MAD1L1: variants seen among roughly 807,000 people sequenced by gnomAD.
MAD1L1 encodes the protein mitotic spindle assembly checkpoint protein MAD1.
A neutral mutation model predicts 96.9 loss-of-function variants in MAD1L1; 95 were observed. The observed-to-expected ratio is 0.98, with a 90% CI of 0.83 to 1.16. The LOEUF (loss-of-function observed/expected upper bound fraction) is 1.16. Among genes scored for constraint, MAD1L1 ranks in the 50% most tolerant of loss-of-function variants. The probability of loss-of-function intolerance (pLI) is 0.00; values close to 1 mark genes in which losing one functional copy is unlikely to be tolerated. For synonymous variants in MAD1L1, 473 were observed against 396.6 expected (o/e 1.19, Z -2.29); for missense variants, 1,007 against 954.4 (o/e 1.06, Z -0.73).
At chr7:1,907,469 A>C (rs1265347141) in intron 17 of MAD1L1, among the ~76,000 whole-genome samples, 1 of 152,286 alleles carries the variant, frequency 6.6e-6, no homozygotes, top group Non-Finnish European at 1.5e-5. Context: ...AAAGGGACTA[A>C]TATTTCACCA....
chr7:2,207,332 G>C (rs1318429458), intron 10 of MAD1L1, among the ~76,000 whole-genome samples: 1 of 152,150 alleles, frequency 6.6e-6, no homozygotes, highest in Admixed American at 6.6e-5. Context: ...GCTGAGTGCT[G>C]GTTGGCAGCC....
At chr7:2,230,521 A>T (rs1017426369) in intron 2 of MAD1L1, 28 bp downstream of exon 2, 2 of 193,590 alleles carry the variant, frequency 1.0e-5, no homozygotes, top group Non-Finnish European at 2.2e-5. Flanking sequence ...GACACAAGAG[A>T]AGGGCTTTAT....
At chr7:2,100,363 G>A (rs1409390173) in intron 11 of MAD1L1, among the ~76,000 whole-genome samples, 1 of 152,262 alleles carries the variant, frequency 6.6e-6, no homozygotes, top group Non-Finnish European at 1.5e-5. Context: ...CAGATAGTAA[G>A]AAGCATGCCA....
chr7:1,929,828 C>CAT (rs1562532782), intron 17 of MAD1L1, among the ~76,000 whole-genome samples: 358 of 19,038 alleles, frequency 0.019, 68 homozygotes, highest in East Asian at 0.026. Context: ...GTCCCCTGCC[C>CAT]CGTCCCCACT....
intron 18 of MAD1L1, among the ~76,000 whole-genome samples, chr7:1,841,310 C>T (rs573066191): frequency 1.2e-4 from 19 of 152,352 alleles, no homozygotes; most frequent in African/African-American, 3.6e-4. Flanking sequence ...GCGTCTCGCC[C>T]GGCTGCATCT....
chr7:2,036,609 T>A (rs148625205), intron 12 of MAD1L1, among the ~76,000 whole-genome samples: 30 of 152,216 alleles, frequency 2.0e-4, no homozygotes, highest in Middle Eastern at 3.4e-3. Flanking sequence ...CTCCAGGCAG[T>A]GGTAAATCAG....
At chr7:2,219,687 G>A (rs988887462) in intron 5 of MAD1L1, among the ~76,000 whole-genome samples, 1 of 148,770 alleles carries the variant, frequency 6.7e-6, no homozygotes, top group African/African-American at 2.5e-5. Context: ...AGAGGGCAGG[G>A]GGAAGAGGAG....
intron 14 of MAD1L1, among the ~76,000 whole-genome samples, chr7:1,997,788 C>T (rs1019581180): frequency 1.3e-5 from 2 of 152,338 alleles, no homozygotes; most frequent in Middle Eastern, 3.4e-3. Context: ...TGTCTGTAGC[C>T]CCCTTGCCTG....
intron 16 of MAD1L1, among the ~76,000 whole-genome samples, chr7:1,940,716 C>T (rs1178611606): frequency 2.6e-5 from 4 of 152,244 alleles, no homozygotes; most frequent in Non-Finnish European, 2.9e-5. Flanking sequence ...GCTGACGGAG[C>T]TGCGGGCACG....
chr7:2,089,989 C>G (rs1786125594), intron 11 of MAD1L1, among the ~76,000 whole-genome samples: 1 of 152,234 alleles, frequency 6.6e-6, no homozygotes. Flanking sequence ...TGTTGGTTTG[C>G]TACCAGCTAT....
intron 5 of MAD1L1, chr7:2,221,142 C>T: frequency 1.1e-6 from 1 of 890,872 alleles, no homozygotes; most frequent in African/African-American, 1.7e-5. Flanking sequence ...CCATCTTCCC[C>T]TCACTATGCC....
chr7:1,883,858 G>A (rs1047060743), intron 18 of MAD1L1, among the ~76,000 whole-genome samples: 1 of 152,198 alleles, frequency 6.6e-6, no homozygotes, highest in Non-Finnish European at 1.5e-5. Context: ...ACCGGAGCAG[G>A]AGCCTCGAGC....
intron 18 of MAD1L1, among the ~76,000 whole-genome samples, chr7:1,874,227 G>A (rs1028751092): frequency 6.6e-5 from 10 of 152,146 alleles, no homozygotes; most frequent in Admixed American, 1.3e-4. Context: ...GGTAAGACCC[G>A]GGGTCTCCCA....
chr7:1,945,467 G>C (rs187210063), intron 16 of MAD1L1, among the ~76,000 whole-genome samples: 22 of 152,362 alleles, frequency 1.4e-4, no homozygotes, highest in Admixed American at 1.4e-3. Flanking sequence ...TCCCACGAAA[G>C]GGCTTGGAAC....
chr7:2,041,377 GGAAGGGGAGCAGGA>G (rs1783665993), intron 12 of MAD1L1, among the ~76,000 whole-genome samples: 4 of 111,832 alleles, frequency 3.6e-5, no homozygotes, highest in Non-Finnish European at 8.7e-5. Flanking sequence ...CTGGGGCTGG[GGAAGGGGAGCAGGA>G]GCCCATCCCT....
intron 5 of MAD1L1, chr7:2,221,008 G>T: frequency 6.2e-7 from 1 of 1,612,364 alleles, no homozygotes; most frequent in Non-Finnish European, 8.5e-7. Flanking sequence ...AGTAAGGAGC[G>T]TGACAATCAG....
At chr7:2,040,891 G>A (rs1783644791) in intron 12 of MAD1L1, among the ~76,000 whole-genome samples, 1 of 152,208 alleles carries the variant, frequency 6.6e-6, no homozygotes, top group African/African-American at 2.4e-5. Flanking sequence ...CTTTGGAATC[G>A]CTCATTCAGC....
intron 11 of MAD1L1, among the ~76,000 whole-genome samples, chr7:2,115,978 G>A (rs1787668050): frequency 6.8e-6 from 1 of 145,994 alleles, no homozygotes; most frequent in African/African-American, 2.4e-5. Flanking sequence ...CGGAGACGGT[G>A]GAGGGGGGAT....
At chr7:1,867,145 C>T (rs1043053928) in intron 18 of MAD1L1, among the ~76,000 whole-genome samples, 3 of 152,208 alleles carry the variant, frequency 2.0e-5, no homozygotes, top group African/African-American at 7.2e-5. Context: ...CAGGCAGAAG[C>T]TGGTGAGATG....
Sources: gnomAD v4.1 joint callset for allele counts (sites outside exome capture counted in the v4.1 genomes callset) on GRCh38, gnomAD v4.1.1 for gene constraint, MANE v1.5 for transcripts, NCBI Gene and HGNC (gene_info 2026-07-23, HGNC 2026-07-21) for gene names.